The following BRSK1 variants were observed in gnomAD, a reference collection of about 807,000 sequenced individuals.
The protein encoded by BRSK1 is serine/threonine-protein kinase BRSK1.
BRSK1 carries 17 observed loss-of-function variants against 86.2 expected under a neutral mutation model. That is an observed-to-expected ratio of 0.20 (90% CI 0.14 to 0.30). The LOEUF is 0.30. Ranked by LOEUF, BRSK1 falls within the 10% of genes least tolerant of loss-of-function variation. The pLI is 1.00. For synonymous variants in BRSK1, 464 were observed against 440.1 expected (o/e 1.05, Z -0.68); for missense variants, 719 against 1,071.9 (o/e 0.67, Z 4.60).
In BRSK1 at chr19:55,305,305, G is replaced by A; in HGVS notation, c.1718-16G>A. 1 of 1,613,892 alleles carries A rather than the reference G, an allele frequency of 6.2e-7. No homozygotes were observed. The highest frequency in any genetic ancestry group is 8.5e-7 in the Non-Finnish European group (1 of 1,179,986). On this transcript the variant is annotated splice_polypyrimidine_tract_variant and intron_variant, in intron 14 of 18. Transcript: ENST00000309383. ...TGCACAGGTGTTGACCACGTTCTCT[G>A]CCTTCCCCCTACCAGTCCCTACCGC...
chr19:55,285,255 G>C (rs1440147528), intron 1 of BRSK1, among the ~76,000 whole-genome samples: 1 of 152,072 alleles, frequency 6.6e-6, no homozygotes, highest in Non-Finnish European at 1.5e-5. Flanking sequence ...AAGGAGGAGG[G>C]GCTGGGGGCC....
rs543652339 is a variant in BRSK1 at position 55,284,820 on chromosome 19, G to A, written c.136+242G>A. The stretch of plus-strand genomic sequence containing the variant: ...CTGGGTCTGAGGGAGGAGGGGCTGG[G>A]CACTGGACTCCTAGGTCTGAGGGAG... On this transcript the variant is annotated intron_variant, in intron 1 of 18. Coordinates refer to ENST00000309383, the MANE Select transcript of BRSK1 (RefSeq NM_032430.2). Among the ~76,000 whole-genome samples, 5 of 151,852 alleles carry A rather than the reference G, an allele frequency of 3.3e-5. No individual in the cohort carries two copies. In the South Asian group the frequency reaches 1.0e-3, roughly 32 times the overall value.
In BRSK1 at chr19:55,308,776, G is replaced by A. The variant is rs545567203; in HGVS notation, c.2179+48G>A. On this transcript the variant is annotated intron_variant, in intron 18 of 18. Coordinates refer to ENST00000309383, the MANE Select transcript of BRSK1 (RefSeq NM_032430.2). ...GTGGGGGGCGTGGGTGGCGGGGGCC[G>A]TGGGTGGCGGGGGGCGTGGGTGGCG... 2.2e-3 allele frequency: 351 copies of A among 161,052 alleles called. 6 individuals are homozygous for A. The highest frequency in any genetic ancestry group is 5.1e-3 in the Middle Eastern group (3 of 592). The allele number at this position is 161,052 out of a possible 1,614,324, so 10.0% of individuals were successfully genotyped here.
In BRSK1 at chr19:55,287,125, C is replaced by T. The variant is rs745897153; in HGVS notation, c.231+24C>T. ...AGGTGTGTGCGCCTGCTGCAGTGTG[C>T]CTGCGGGTGGGGGGGCCTCCGGGGC... On this transcript the variant is annotated intron_variant, in intron 2 of 18. Coordinates refer to ENST00000309383, the MANE Select transcript of BRSK1 (RefSeq NM_032430.2). The surrounding 1 kb of genome is among the most constrained non-coding windows in gnomAD (Gnocchi z 5.3). The T allele has an allele frequency of 1.9e-6, 3 of 1,612,118 alleles. No individual in the cohort carries two copies. Among genetic ancestry groups the T allele is most frequent in the East Asian group, 2.2e-5 (1 of 44,672 alleles).
rs562673377 is a variant in BRSK1, at chr19:55,306,882, G to T, written c.2089+432G>T. On this transcript the variant is annotated intron_variant, in intron 17 of 18. Transcript: ENST00000309383. This position sits in a 1 kb window ranked among gnomAD's most constrained non-coding sequence, Gnocchi z 4.7. ...TTACTTTAAGATGGTAGAGCCAAAG[G>T]GTGAAGACACAGCACACTGCTGTCT... Among the ~76,000 whole-genome samples the T allele has an allele frequency of 2.0e-5, 3 of 152,202 alleles. No individual in the cohort carries two copies. The highest frequency in any genetic ancestry group is 3.9e-4 in the East Asian group (2 of 5,176).
intron 8 of BRSK1, 23 bp downstream of exon 8, chr19:55,301,681 G>A: frequency 2.5e-6 from 4 of 1,607,020 alleles, no homozygotes; most frequent in Non-Finnish European, 3.4e-6. Context: ...GGGGACCGGC[G>A]GAGGGGGGAA....
chr19:55,289,630 C>T lies in BRSK1; in HGVS notation c.458+10C>T, dbSNP rs781500680. The stretch of plus-strand genomic sequence containing the variant: ...ACAGCTACTCCATCTGGTGAGTGGG[C>T]AGCTTGAGGGGGAGGAGGGGCTGAG... On this transcript the variant is annotated intron_variant, in intron 4 of 18. Coordinates refer to ENST00000309383, the MANE Select transcript of BRSK1 (RefSeq NM_032430.2). 6.2e-6 allele frequency: 10 copies of T among 1,612,736 alleles called. No individual in the cohort carries two copies. In the South Asian group the frequency reaches 9.9e-5, roughly 16 times the overall value.
chr19:55,297,683 C>T (rs1200284047), intron 7 of BRSK1, among the ~76,000 whole-genome samples: 1 of 152,246 alleles, frequency 6.6e-6, no homozygotes, highest in African/African-American at 2.4e-5. Flanking sequence ...GGAGCCCATC[C>T]AGCCGAGTTC....
In BRSK1 at chr19:55,284,367, GC is replaced by G; in HGVS notation, c.-71del. 8 of 939,664 alleles carry G rather than the reference GC, an allele frequency of 8.5e-6. No homozygotes were observed. The highest frequency in any genetic ancestry group is 5.3e-5 in the South Asian group (1 of 19,040). 58.2% of individuals were successfully genotyped at this position (939,664 alleles called of 1,614,324 possible). ...GGGGGCCGGGACGGAGCGGTCGCCG[GC>G]CCCCACCGGAGAGACGGGGCGACGG... On this transcript the variant is annotated 5_prime_UTR_variant, in exon 1 of 19. Transcript: ENST00000309383.
At position 55,310,992 on chromosome 19, in the gene BRSK1, CCT is replaced by C. The variant is rs1341533030; in HGVS notation, c.2180-916_2180-915del. ...TTTTGTTTTTTTGAGACAGAATCTC[CCT>C]CTGTCGCTCAGGCTGGAGTGCAGTG... On this transcript the variant is annotated intron_variant, in intron 18 of 18. Transcript: ENST00000309383. The surrounding 1 kb of genome is among the most constrained non-coding windows in gnomAD (Gnocchi z 5.0). Among the ~76,000 whole-genome samples the C allele has an allele frequency of 2.0e-5, 3 of 152,006 alleles. No homozygotes were observed. The highest frequency in any genetic ancestry group is 1.3e-4 in the Admixed American group (2 of 15,254).
At chr19:55,298,806 C>A (rs574721380) in intron 7 of BRSK1, among the ~76,000 whole-genome samples, 1 of 152,146 alleles carries the variant, frequency 6.6e-6, no homozygotes, top group African/African-American at 2.4e-5. Flanking sequence ...TCTGAAGTGC[C>A]GTCTGGTGTT....
At chr19:55,293,587 C>T (rs978094766) in intron 4 of BRSK1, among the ~76,000 whole-genome samples, 2 of 151,774 alleles carry the variant, frequency 1.3e-5, no homozygotes, top group Admixed American at 6.6e-5. Context: ...CCAAGGCGGG[C>T]GGATCATGAG....
intron 18 of BRSK1, 128 bp from the exon 19 acceptor site, chr19:55,311,783 A>G: frequency 1.0e-6 from 1 of 957,758 alleles, no homozygotes; most frequent in Non-Finnish European, 1.5e-6. Context: ...GGGCCTTATC[A>G]GGGATTGGAG....
rs1354803171 is a variant in BRSK1, at chr19:55,290,168, A to AT, written c.458+555dup. 4.0e-5 allele frequency among the ~76,000 whole-genome samples: 6 copies of AT among 151,744 alleles called. No individual in the cohort carries two copies. The East Asian group carries it at 7.7e-4, about 20-fold the overall frequency. ...CACCACTACACCTGGCTAATTTTGTATTTTTTTAGTAAAGTCGGGGTTTCA... is the reference window on the plus strand; with the variant it reads ...CACCACTACACCTGGCTAATTTTGTATTTTTTTTAGTAAAGTCGGGGTTTCA... On this transcript the variant is annotated intron_variant, in intron 4 of 18. Coordinates refer to ENST00000309383, the MANE Select transcript of BRSK1 (RefSeq NM_032430.2).
intron 8 of BRSK1, 69 bp downstream of exon 8, chr19:55,301,727 C>T (rs2088571884): frequency 6.5e-7 from 1 of 1,535,962 alleles, no homozygotes; most frequent in African/African-American, 1.4e-5. Context: ...CTAGAAAAGT[C>T]ATGGGGATGG....
chr19:55,289,129 G>A (rs997239935), intron 3 of BRSK1, among the ~76,000 whole-genome samples: 2 of 152,072 alleles, frequency 1.3e-5, no homozygotes, highest in Admixed American at 6.6e-5. Flanking sequence ...TAATAGAGTC[G>A]CCTTATCTCC....
At chr19:55,297,783 G>A (rs2088510259) in intron 7 of BRSK1, among the ~76,000 whole-genome samples, 1 of 152,236 alleles carries the variant, frequency 6.6e-6, no homozygotes, top group East Asian at 1.9e-4. Context: ...ACCTATCATT[G>A]TAAGGGTTTT....
Position 55,302,034 on chromosome 19 carries a change from G to C in BRSK1, c.826-103G>C. 7.7e-7 allele frequency: 1 copy of C among 1,293,258 alleles called. No individual in the cohort carries two copies. Among genetic ancestry groups the C allele is most frequent in the Non-Finnish European group, 1.1e-6 (1 of 888,964 alleles). The allele number at this position is 1,293,258 out of a possible 1,614,324, so 80.1% of individuals were successfully genotyped here. On this transcript the variant is annotated intron_variant, in intron 8 of 18. Transcript: ENST00000309383. The surrounding 1 kb of genome is among the most constrained non-coding windows in gnomAD (Gnocchi z 6.3). ...TCATCCTGCCCCCGGTGGGGTGGGCGGGGAGATGATCAGGGACCCCAAAAC... is the reference window on the plus strand; with the variant it reads ...TCATCCTGCCCCCGGTGGGGTGGGCCGGGAGATGATCAGGGACCCCAAAAC...
rs1358472277 is a variant in BRSK1, at chr19:55,305,680, C to T, written c.1890+94C>T. 3 of 1,547,274 alleles carry T rather than the reference C, an allele frequency of 1.9e-6. No individual in the cohort carries two copies. The Admixed American group carries it at 5.9e-5, about 30-fold the overall frequency. On this transcript the variant is annotated intron_variant, in intron 16 of 18. Coordinates refer to ENST00000309383, the MANE Select transcript of BRSK1 (RefSeq NM_032430.2). ...AACCACCTTAGCATAGGCCTGGCTT[C>T]CTCCTGGGGCTCATGGGATTTGTAG...
Sources: gnomAD v4.1 joint callset for allele counts (sites outside exome capture counted in the v4.1 genomes callset) on GRCh38, gnomAD v4.1.1 for gene constraint, Gnocchi (gnomAD v3.1) non-coding constraint, MANE v1.5 for transcripts, NCBI Gene and HGNC (gene_info 2026-07-23, HGNC 2026-07-21) for gene names.